SENP6: variants seen among roughly 807,000 people sequenced by gnomAD.
SENP6 encodes sentrin-specific protease 6.
In SENP6, 41 loss-of-function variants were observed where a neutral mutation model predicts 134.5. The ratio of observed to expected loss-of-function variants is 0.30; its 90% CI spans 0.24 to 0.40. The LOEUF is 0.40. Ranked by LOEUF, SENP6 falls within the 10% of genes least tolerant of loss-of-function variation. The pLI is 1.00. For missense variants in SENP6, 1,248 were observed against 1,312.5 expected (o/e 0.95, Z 0.76); for synonymous variants, 395 against 429.8 (o/e 0.92, Z 1.00).
At chr6:75,621,713 G>A (rs1339608273) in intron 2 of SENP6, 88 bp downstream of exon 2, 2 of 772,664 alleles carry the variant, frequency 2.6e-6, no homozygotes, top group Middle Eastern at 3.3e-4. Flanking sequence ...ATATTTTTAG[G>A]AGTATGGTAT....
At chr6:75,606,218 C>T (rs1767016136) in intron 1 of SENP6, among the ~76,000 whole-genome samples, 1 of 152,152 alleles carries the variant, frequency 6.6e-6, no homozygotes, top group Non-Finnish European at 1.5e-5. Context: ...TTTATAGCTT[C>T]TGTAGGGAAA....
At position 75,700,998 on chromosome 6, in the gene SENP6, T is replaced by A. The variant is rs1482461574; in HGVS notation, c.2289-1647T>A. The stretch of plus-strand genomic sequence containing the variant: ...GCTTTCATCCATCTGGACTTCGCAA[T>A]ACAGAAGATGAAGCCAGCCAGCCTA... On this transcript the variant is annotated intron_variant, in intron 18 of 23. Transcript: ENST00000447266. Among the ~76,000 whole-genome samples, 3 of 152,140 alleles carry A rather than the reference T, an allele frequency of 2.0e-5. No individual in the cohort carries two copies. In the East Asian group the frequency reaches 5.8e-4, roughly 29 times the overall value.
At chr6:75,673,041 ATGG>A (rs1772803612) in intron 11 of SENP6, among the ~76,000 whole-genome samples, 1 of 152,028 alleles carries the variant, frequency 6.6e-6, no homozygotes, top group South Asian at 2.1e-4. Context: ...GTTAGCCAGG[ATGG>A]TCTCGATCTC....
chr6:75,651,798 G>A (rs1770888767), intron 7 of SENP6, among the ~76,000 whole-genome samples: 1 of 152,032 alleles, frequency 6.6e-6, no homozygotes, highest in Non-Finnish European at 1.5e-5. Context: ...CTTGCTTTCT[G>A]ACTTTATGAT....
intron 19 of SENP6, among the ~76,000 whole-genome samples, chr6:75,705,950 T>TC (rs1405146681): frequency 8.2e-6 from 1 of 122,136 alleles, no homozygotes. Context: ...TTTTTTTTTT[T>TC]TTTTGAGATG....
At chr6:75,710,411 C>CAT (rs1316602343) in intron 20 of SENP6, among the ~76,000 whole-genome samples, 1 of 152,142 alleles carries the variant, frequency 6.6e-6, no homozygotes, top group African/African-American at 2.4e-5. Context: ...AATCCTACAG[C>CAT]ATACCATTTT....
At chr6:75,653,705 T>G (rs961094911) in intron 7 of SENP6, among the ~76,000 whole-genome samples, 2 of 152,042 alleles carry the variant, frequency 1.3e-5, no homozygotes, top group Non-Finnish European at 2.9e-5. Context: ...ATTTGTAAGT[T>G]TTCCACTGAT....
intron 6 of SENP6, among the ~76,000 whole-genome samples, chr6:75,644,475 C>CTTTTTTTTTTTTTTT (rs71002753): frequency 7.0e-6 from 1 of 143,476 alleles, no homozygotes. Context: ...TTCTTTCTTT[C>CTTTTTTTTTTTTTTT]TTTTTTTTTT....
chr6:75,697,553 A>G, intron 18 of SENP6, 36 bp downstream of exon 18: 1 of 1,438,422 alleles, frequency 7.0e-7, no homozygotes, highest in South Asian at 1.2e-5. Flanking sequence ...AAATCTTTAA[A>G]TCATGTAAAT....
intron 18 of SENP6, among the ~76,000 whole-genome samples, chr6:75,701,940 G>A (rs939262336): frequency 2.0e-5 from 3 of 151,832 alleles, no homozygotes; most frequent in Middle Eastern, 6.8e-3. Flanking sequence ...GCACCTGGCC[G>A]ACAGTTTAAT....
At chr6:75,603,405 T>A (rs1299705950) in intron 1 of SENP6, among the ~76,000 whole-genome samples, 2 of 152,208 alleles carry the variant, frequency 1.3e-5, no homozygotes, top group Non-Finnish European at 2.9e-5. Flanking sequence ...GTGTTTATAT[T>A]ACTTAATTTG....
At chr6:75,680,890 G>A (rs1248414692) in intron 16 of SENP6, among the ~76,000 whole-genome samples, 1 of 152,138 alleles carries the variant, frequency 6.6e-6, no homozygotes, top group African/African-American at 2.4e-5. Flanking sequence ...TGGTGCTAGA[G>A]GAAGTCTGCT....
At chr6:75,673,491 T>C (rs1348924571) in intron 11 of SENP6, among the ~76,000 whole-genome samples, 1 of 151,584 alleles carries the variant, frequency 6.6e-6, no homozygotes, top group African/African-American at 2.4e-5. Flanking sequence ...GCCTGGCTAA[T>C]TTTTGTATTT....
intron 13 of SENP6, chr6:75,676,829 T>A: frequency 2.2e-6 from 1 of 462,394 alleles, no homozygotes; most frequent in South Asian, 3.8e-5. Context: ...TTCCTTCCAA[T>A]AACTTAGGTG....
Position 75,717,099 on chromosome 6 carries a change from A to T in SENP6, c.*1505A>T, listed in dbSNP as rs1776055668. 1 of 152,012 alleles carries T rather than the reference A, an allele frequency of 6.6e-6. No homozygotes were observed. The highest frequency in any genetic ancestry group is 1.5e-5 in the Non-Finnish European group (1 of 67,862). The allele number at this position is 152,012 out of a possible 1,614,324, so 9.4% of individuals were successfully genotyped here. Reference sequence around the variant, plus strand: ...ATATTTCTGATTAACTCTTTATAGTAATAACTTAGAGCTGTTAGCTCAGAT... The same window carrying T: ...ATATTTCTGATTAACTCTTTATAGTTATAACTTAGAGCTGTTAGCTCAGAT... On this transcript the variant is annotated 3_prime_UTR_variant, in exon 24 of 24. Transcript: ENST00000447266.
At chr6:75,665,728 T>G (rs1772148439) in intron 9 of SENP6, among the ~76,000 whole-genome samples, 1 of 152,148 alleles carries the variant, frequency 6.6e-6, no homozygotes, top group African/African-American at 2.4e-5. Flanking sequence ...CTGTGTGAGA[T>G]AAAATTACTT....
At chr6:75,621,754 C>T (rs951943004) in intron 2 of SENP6, 129 bp downstream of exon 2, 6 of 533,922 alleles carry the variant, frequency 1.1e-5, no homozygotes, top group East Asian at 3.2e-5. Context: ...CTTTCACAGT[C>T]GCTTTAAGGA....
At chr6:75,697,307 C>A in intron 17 of SENP6, 118 bp from the exon 18 acceptor site, 1 of 681,784 alleles carries the variant, frequency 1.5e-6, no homozygotes, top group Non-Finnish European at 2.4e-6. Context: ...GTTTGTCAAA[C>A]CATTTTATGC....
chr6:75,684,794 G>A (rs1298132156), intron 16 of SENP6, among the ~76,000 whole-genome samples: 6 of 152,158 alleles, frequency 3.9e-5, no homozygotes, highest in African/African-American at 9.7e-5. Context: ...GCTGGACTTC[G>A]TTTGCCAGTG....
Sources: allele counts gnomAD v4.1 joint callset (sites outside exome capture counted in the v4.1 genomes callset), GRCh38; gene constraint gnomAD v4.1.1; transcripts MANE v1.5; gene names NCBI Gene and HGNC (gene_info 2026-07-23, HGNC 2026-07-21).